EXOC6B: variants seen among roughly 807,000 people sequenced by gnomAD.
EXOC6B encodes the protein exocyst complex component 6B.
Under a neutral mutation model 113.5 loss-of-function variants are expected in EXOC6B, and 54 were observed. The observed-to-expected ratio is 0.48, with a 90% CI of 0.38 to 0.60. The LOEUF (loss-of-function observed/expected upper bound fraction) is 0.60. Ranked by LOEUF, EXOC6B falls within the 20% of genes least tolerant of loss-of-function variation. The probability of loss-of-function intolerance (pLI) is 0.00; values close to 1 mark genes in which losing one functional copy is unlikely to be tolerated. For missense variants in EXOC6B, 797 were observed against 977.5 expected (o/e 0.82, Z 2.46); for synonymous variants, 357 against 339.0 (o/e 1.05, Z -0.58).
chr2:72,787,859 G>T (rs1193703619), intron 1 of EXOC6B, among the ~76,000 whole-genome samples: 1 of 152,048 alleles, frequency 6.6e-6, no homozygotes, highest in Admixed American at 6.6e-5. Flanking sequence ...GCCAGAACTG[G>T]TCTAACTTCT....
intron 6 of EXOC6B, among the ~76,000 whole-genome samples, chr2:72,699,563 A>G (rs1041323597): frequency 1.3e-5 from 2 of 152,082 alleles, no homozygotes; most frequent in Non-Finnish European, 2.9e-5. Context: ...TGGGAGAGCC[A>G]TATGTTTAGT....
At chr2:72,692,354 CTTT>C (rs764598639) in intron 6 of EXOC6B, among the ~76,000 whole-genome samples, 4 of 141,252 alleles carry the variant, frequency 2.8e-5, no homozygotes, top group South Asian at 2.2e-4. Context: ...TCACCATATT[CTTT>C]TTTTTTTTTT....
At chr2:72,793,696 C>T (rs1267749483) in intron 1 of EXOC6B, among the ~76,000 whole-genome samples, 1 of 152,062 alleles carries the variant, frequency 6.6e-6, no homozygotes, top group Admixed American at 6.5e-5. Flanking sequence ...TAGCGAGGTA[C>T]ATAGGTGTAA....
intron 6 of EXOC6B, among the ~76,000 whole-genome samples, chr2:72,655,847 C>T (rs868248840): frequency 9.2e-5 from 14 of 151,928 alleles, no homozygotes; most frequent in Admixed American, 3.3e-4. Flanking sequence ...TTTAAACTTC[C>T]GTAATTTCTT....
At chr2:72,539,414 T>C (rs764461408) in intron 8 of EXOC6B, among the ~76,000 whole-genome samples, 1 of 152,150 alleles carries the variant, frequency 6.6e-6, no homozygotes, top group African/African-American at 2.4e-5. Flanking sequence ...AATTCATCTG[T>C]TTTTCATAAC....
intron 18 of EXOC6B, among the ~76,000 whole-genome samples, chr2:72,435,837 T>G (rs1695828456): frequency 6.6e-6 from 1 of 152,192 alleles, no homozygotes; most frequent in African/African-American, 2.4e-5. Flanking sequence ...ACAGATGGTC[T>G]TGACTCTTTA....
chr2:72,237,932 C>A (rs1028301042), intron 20 of EXOC6B, among the ~76,000 whole-genome samples: 1 of 151,996 alleles, frequency 6.6e-6, no homozygotes, highest in Non-Finnish European at 1.5e-5. Flanking sequence ...AATTCACATA[C>A]CATATAATTC....
At position 72,823,459 on chromosome 2, in the gene EXOC6B, G is replaced by GAAA. The variant is rs1237385156; in HGVS notation, c.113+2336_113+2338dup. Among the ~76,000 whole-genome samples, 215 of 69,956 alleles carry GAAA rather than the reference G, an allele frequency of 3.1e-3. 24 individuals carry two copies. The highest frequency in any genetic ancestry group is 0.012 in the African/African-American group (145 of 12,232). 45.9% of individuals were successfully genotyped at this position (69,956 alleles called of 152,430 possible). On this transcript the variant is annotated intron_variant, in intron 1 of 21. Coordinates refer to ENST00000272427, the MANE Select transcript of EXOC6B (RefSeq NM_015189.3). ...CCAACTTCTCAAATCAAAGTTTTAA[G>GAAA]AAAAAAAAAAAAAAAAAAACAAAAA...
intron 20 of EXOC6B, among the ~76,000 whole-genome samples, chr2:72,259,339 C>T (rs932927029): frequency 5.9e-5 from 9 of 152,110 alleles, no homozygotes; most frequent in Admixed American, 2.0e-4. Context: ...GAAATGTGTC[C>T]GTGTTGTTGT....
chr2:72,489,738 A>C (rs1465769505), intron 16 of EXOC6B, among the ~76,000 whole-genome samples: 1 of 152,212 alleles, frequency 6.6e-6, no homozygotes, highest in Non-Finnish European at 1.5e-5. Flanking sequence ...AAGCAGCCCT[A>C]GGAAAATAGC....
Position 72,180,726 on chromosome 2 carries a change from T to C in EXOC6B, c.2310-1265A>G, listed in dbSNP as rs370059762. 5.3e-5 allele frequency among the ~76,000 whole-genome samples: 8 copies of C among 152,262 alleles called. No homozygotes were observed. The East Asian group carries it at 1.2e-3, about 22-fold the overall frequency. On this transcript the variant is annotated intron_variant, in intron 21 of 21. Coordinates refer to ENST00000272427, the MANE Select transcript of EXOC6B (RefSeq NM_015189.3). ...TTTTCTCCCCCACTGTGGGTGGCCC[T>C]TTGCAGAGGAGCAGATTAGAGGCCA...
In EXOC6B at chr2:72,405,684, C is replaced by A. The variant is rs374956020; in HGVS notation, c.1981-25814G>T. ...TTTTGTCACCACCAGGCCTGCCCTA[C>A]AAGAGCTCCTGAAGGAAGCACTAAA... On this transcript the variant is annotated intron_variant, in intron 18 of 21. Transcript: ENST00000272427. Among the ~76,000 whole-genome samples the A allele has an allele frequency of 2.4e-3, 367 of 152,244 alleles. 12 individuals are homozygous for A. In the South Asian group the frequency reaches 0.055, roughly 23 times the overall value.
In EXOC6B at chr2:72,470,049, T is replaced by G. The variant is rs146411036; in HGVS notation, c.1801-4710A>C. Among the ~76,000 whole-genome samples the G allele has an allele frequency of 6.5e-3, 992 of 152,288 alleles. 13 individuals are homozygous for G. Among genetic ancestry groups the G allele is most frequent in the African/African-American group, 0.022 (925 of 41,568 alleles). On this transcript the variant is annotated intron_variant, in intron 17 of 21. Transcript: ENST00000272427. Reference sequence around the variant, plus strand: ...CTTTTAGATTTTGCTCAGAATTGTTTTGGCTATTCGTGTTCTTTTTTTAGT... The same window carrying G: ...CTTTTAGATTTTGCTCAGAATTGTTGTGGCTATTCGTGTTCTTTTTTTAGT...
In EXOC6B at chr2:72,721,953, C is replaced by T. The variant is rs191949423; in HGVS notation, c.465-3646G>A. The T allele has an allele frequency of 4.0e-5, 6 of 149,982 alleles. No homozygotes were observed. The East Asian group carries it at 7.8e-4, about 19-fold the overall frequency. 9.3% of individuals were successfully genotyped at this position (149,982 alleles called of 1,614,324 possible). ...ATAAAATGGGAACTTATTTAGTCCACTTCATGCATCAACCTGGCATTGCAG... is the reference window on the plus strand; with the variant it reads ...ATAAAATGGGAACTTATTTAGTCCATTTCATGCATCAACCTGGCATTGCAG... On this transcript the variant is annotated intron_variant, in intron 5 of 21. Coordinates refer to ENST00000272427, the MANE Select transcript of EXOC6B (RefSeq NM_015189.3).
chr2:72,397,812 G>A (rs1692846964), intron 18 of EXOC6B, among the ~76,000 whole-genome samples: 1 of 151,924 alleles, frequency 6.6e-6, no homozygotes, highest in Non-Finnish European at 1.5e-5. Flanking sequence ...TAAAGGATGA[G>A]AAAGCCATCA....
chr2:72,671,980 T>C (rs1039591420), intron 6 of EXOC6B, among the ~76,000 whole-genome samples: 1 of 151,066 alleles, frequency 6.6e-6, no homozygotes, highest in African/African-American at 2.4e-5. Context: ...GAAATGCAAA[T>C]CAAAACCACA....
chr2:72,603,129 G>A (rs941516890), intron 6 of EXOC6B, among the ~76,000 whole-genome samples: 2 of 151,072 alleles, frequency 1.3e-5, no homozygotes, highest in African/African-American at 4.9e-5. Flanking sequence ...TACCACCAGG[G>A]AATATCAATG....
At chr2:72,273,522 G>T (rs79284028) in intron 20 of EXOC6B, among the ~76,000 whole-genome samples, 1,992 of 152,254 alleles carry the variant, frequency 0.013, 50 homozygotes, top group African/African-American at 0.045. Context: ...GGGTGGGCCA[G>T]TCCCTCCCTG....
At chr2:72,749,759 G>A (rs1573735129) in intron 1 of EXOC6B, among the ~76,000 whole-genome samples, 1 of 151,752 alleles carries the variant, frequency 6.6e-6, no homozygotes, top group African/African-American at 2.4e-5. Flanking sequence ...CTGATGATAG[G>A]TATCATTAAG....
Sources: allele counts gnomAD v4.1 joint callset (sites outside exome capture counted in the v4.1 genomes callset), GRCh38; gene constraint gnomAD v4.1.1; transcripts MANE v1.5; gene names NCBI Gene and HGNC (gene_info 2026-07-23, HGNC 2026-07-21).